Variants in PCDHGA1 observed in about 807,000 individuals in gnomAD.
PCDHGA1 encodes protocadherin gamma-A1.
In PCDHGA1, 32 loss-of-function variants were observed where a neutral mutation model predicts 58.0. The observed-to-expected ratio is 0.55, with a 90% CI of 0.42 to 0.74. The LOEUF is 0.74. PCDHGA1 is among the 30% of genes least tolerant of loss of function. The pLI is 0.00. For missense variants in PCDHGA1, 1,205 were observed against 1,182.3 expected (o/e 1.02, Z -0.28); for synonymous variants, 498 against 501.1 (o/e 0.99, Z 0.08).
intron 1 of PCDHGA1, among the ~76,000 whole-genome samples, chr5:141,454,065 G>A (rs1167102666): frequency 1.3e-5 from 2 of 152,204 alleles, no homozygotes; most frequent in Non-Finnish European, 2.9e-5. Flanking sequence ...AGAAACAAAA[G>A]TGATAATGTT....
At chr5:141,423,936 G>A (rs2096792092) in intron 1 of PCDHGA1, 1 of 1,225,102 alleles carries the variant, frequency 8.2e-7, no homozygotes. Context: ...TTGGTTTGAA[G>A]TAAGTTGAAT....
chr5:141,393,934 A>G, intron 1 of PCDHGA1: 3 of 1,613,984 alleles, frequency 1.9e-6, no homozygotes, highest in Non-Finnish European at 2.5e-6. Context: ...GTGCATGACC[A>G]AGACTCTGGA....
chr5:141,431,921 G>C lies in PCDHGA1; in HGVS notation c.2422-62886G>C, dbSNP rs775520324. ...CGGACAGGTGATCTGTTTCATCCAA[G>C]GAAATCTGCCCTTTAAATTAGAAAA... On this transcript the variant is annotated intron_variant, in intron 1 of 3. Transcript: ENST00000517417. This position sits in a 1 kb window ranked among gnomAD's most constrained non-coding sequence, Gnocchi z 4.8. 8.7e-6 allele frequency: 14 copies of C among 1,614,024 alleles called. No individual in the cohort carries two copies. Among genetic ancestry groups the C allele is most frequent in the Non-Finnish European group, 1.2e-5 (14 of 1,179,998 alleles).
intron 1 of PCDHGA1, chr5:141,412,995 T>G: frequency 1.7e-6 from 1 of 572,718 alleles, no homozygotes. Flanking sequence ...TCAATCCGGA[T>G]TCTCAGGGCT....
intron 1 of PCDHGA1, chr5:141,427,278 A>G (rs981860450): frequency 2.2e-6 from 1 of 456,706 alleles, no homozygotes; most frequent in Non-Finnish European, 4.4e-6. Context: ...ATGTAAAATT[A>G]TACTAGAAAT....
rs367578838 is a variant in PCDHGA1, at chr5:141,432,537, C to A, written c.2422-62270C>A. The A allele has an allele frequency of 5.0e-6, 8 of 1,613,882 alleles. No individual in the cohort carries two copies. Among genetic ancestry groups the A allele is most frequent in the African/African-American group, 1.3e-5 (1 of 74,922 alleles). Reference sequence around the variant, plus strand: ...GGCTACCTGGTGACCAAGGTGGTGGCGGTGGACAGAGACTCCGGCCAGAAC... The same window carrying A: ...GGCTACCTGGTGACCAAGGTGGTGGAGGTGGACAGAGACTCCGGCCAGAAC... On this transcript the variant is annotated intron_variant, in intron 1 of 3. Coordinates refer to ENST00000517417, the MANE Select transcript of PCDHGA1 (RefSeq NM_018912.3). This position sits in a 1 kb window ranked among gnomAD's most constrained non-coding sequence, Gnocchi z 6.0.
At chr5:141,347,173 T>TTCTTTCTTTCTTTCTA (rs1161727751) in intron 1 of PCDHGA1, among the ~76,000 whole-genome samples, 2 of 148,634 alleles carry the variant, frequency 1.3e-5, no homozygotes, top group Non-Finnish European at 3.0e-5. Context: ...CTTTCTTTCT[T>TTCTTTCTTTCTTTCTA]TCTTTCTTGA....
chr5:141,370,607 G>T, intron 1 of PCDHGA1: 1 of 1,614,004 alleles, frequency 6.2e-7, no homozygotes, highest in South Asian at 1.1e-5. Context: ...TTATTGCAGA[G>T]AAGAAATTCT....
At chr5:141,507,785 C>T (rs1203302886) in intron 3 of PCDHGA1, among the ~76,000 whole-genome samples, 1 of 152,222 alleles carries the variant, frequency 6.6e-6, no homozygotes, top group African/African-American at 2.4e-5. Context: ...GCCTGACCCT[C>T]GTCTAAGCCT....
chr5:141,497,312 G>A (rs940721317), intron 2 of PCDHGA1, among the ~76,000 whole-genome samples: 7 of 152,038 alleles, frequency 4.6e-5, no homozygotes, highest in African/African-American at 1.7e-4. Flanking sequence ...CCATACACTG[G>A]CTTTGAAGCA....
At chr5:141,358,290 T>C (rs528714629) in intron 1 of PCDHGA1, among the ~76,000 whole-genome samples, 1 of 152,258 alleles carries the variant, frequency 6.6e-6, no homozygotes, top group African/African-American at 2.4e-5. Context: ...AAGGCAATTG[T>C]GTAAATTCAC....
At chr5:141,415,909 C>A in intron 1 of PCDHGA1, 1 of 761,030 alleles carries the variant, frequency 1.3e-6, no homozygotes, top group Non-Finnish European at 1.8e-6. Flanking sequence ...GACTTCCATA[C>A]AGAAGTGCCT....
At position 141,485,671 on chromosome 5, in the gene PCDHGA1, G is replaced by T; in HGVS notation, c.2422-9136G>T. On this transcript the variant is annotated intron_variant, in intron 1 of 3. Coordinates refer to ENST00000517417, the MANE Select transcript of PCDHGA1 (RefSeq NM_018912.3). This position sits in a 1 kb window ranked among gnomAD's most constrained non-coding sequence, Gnocchi z 5.7. The stretch of plus-strand genomic sequence containing the variant: ...AGGATGCAGATGTGGGGAGCAATTC[G>T]ATTAGCAGCTATAGGCTGAGCTCCA... 6.2e-7 allele frequency: 1 copy of T among 1,612,860 alleles called. No homozygotes were observed. The highest frequency in any genetic ancestry group is 8.5e-7 in the Non-Finnish European group (1 of 1,179,040).
chr5:141,497,960 C>T (rs946836523), intron 2 of PCDHGA1, among the ~76,000 whole-genome samples: 24 of 152,202 alleles, frequency 1.6e-4, no homozygotes, highest in African/African-American at 5.8e-4. Flanking sequence ...GTTGGCCAGG[C>T]AGTGTTCTCG....
At chr5:141,366,747 T>G in intron 1 of PCDHGA1, 1 of 1,609,550 alleles carries the variant, frequency 6.2e-7, no homozygotes, top group Non-Finnish European at 8.5e-7. Context: ...GAACGGCGAG[T>G]TCAGGTTAGT....
intron 2 of PCDHGA1, among the ~76,000 whole-genome samples, chr5:141,497,735 C>T (rs1299892535): frequency 2.6e-5 from 4 of 152,144 alleles, no homozygotes; most frequent in Non-Finnish European, 4.4e-5. Flanking sequence ...AGATGGGTTT[C>T]GCCACGTTGG....
At chr5:141,437,903 A>G (rs1591482477) in intron 1 of PCDHGA1, among the ~76,000 whole-genome samples, 1 of 152,064 alleles carries the variant, frequency 6.6e-6, no homozygotes, top group East Asian at 1.9e-4. Context: ...ACACCCAGCT[A>G]ATTTTTGTAT....
chr5:141,401,235 A>G (rs1444346000), intron 1 of PCDHGA1, among the ~76,000 whole-genome samples: 1 of 152,120 alleles, frequency 6.6e-6, no homozygotes, highest in East Asian at 1.9e-4. Context: ...CCAGCTACTC[A>G]GGAGGCTAAG....
intron 1 of PCDHGA1, 91 bp from the exon 2 acceptor site, chr5:141,494,716 C>T (rs1448674271): frequency 3.7e-6 from 6 of 1,604,970 alleles, no homozygotes; most frequent in East Asian, 4.5e-5. Flanking sequence ...TGCCCACTCC[C>T]CTCCTTCTCT....
Sources: allele counts gnomAD v4.1 joint callset (sites outside exome capture counted in the v4.1 genomes callset), GRCh38; gene constraint gnomAD v4.1.1; non-coding constraint Gnocchi (gnomAD v3.1); transcripts MANE v1.5; gene names NCBI Gene and HGNC (gene_info 2026-07-23, HGNC 2026-07-21).